Variants in POU2F1 observed in about 807,000 individuals in gnomAD.
POU2F1 encodes POU class 2 homeobox 1, also known as POU domain, class 2, transcription factor 1.
In POU2F1, 16 loss-of-function variants were observed where a neutral mutation model predicts 84.9. That is an observed-to-expected ratio of 0.19 (90% confidence interval 0.13 to 0.29). The LOEUF (loss-of-function observed/expected upper bound fraction) is 0.29. Among genes scored for constraint, POU2F1 ranks in the 10% least tolerant of loss-of-function variants. The pLI is 1.00. For missense variants in POU2F1, 738 were observed against 942.6 expected (o/e 0.78, Z 2.84); for synonymous variants, 368 against 368.3 (o/e 1.00, Z 0.01).
At position 167,413,385 on chromosome 1, in the gene POU2F1, T is replaced by C. The variant is rs537010126; in HGVS notation, c.1990+271T>C. ...GGTATATGGTAAAAAACCAGAACTTTCATGCTAATATTGATCTTATGTGAG... is the reference window on the plus strand; with the variant it reads ...GGTATATGGTAAAAAACCAGAACTTCCATGCTAATATTGATCTTATGTGAG... On this transcript the variant is annotated intron_variant, in intron 15 of 15. Coordinates refer to ENST00000367866, the MANE Select transcript of POU2F1 (RefSeq NM_002697.4). 1.4e-4 allele frequency among the ~76,000 whole-genome samples: 22 copies of C among 152,356 alleles called. No homozygotes were observed. In the South Asian group the frequency reaches 4.6e-3, roughly 32 times the overall value.
At chr1:167,329,441 G>A in intron 1 of POU2F1, 1 of 1,004,254 alleles carries the variant, frequency 1.0e-6, no homozygotes, top group Non-Finnish European at 1.4e-6. Context: ...AGCAGGGAAG[G>A]AGGAAAGCAT....
rs1659990962 is a variant in POU2F1, at chr1:167,371,393, C to G, written c.283-524C>G. ...AGTTTTAATTACCGTAAAATTTTCT[C>G]TTCGTGCCCCTCTCTCTTGACTGCA... On this transcript the variant is annotated intron_variant, in intron 4 of 15. Transcript: ENST00000367866. Among the ~76,000 whole-genome samples the G allele has an allele frequency of 1.3e-5, 2 of 152,148 alleles. 1 individual carries two copies. Among genetic ancestry groups the G allele is most frequent in the South Asian group, 4.1e-4 (2 of 4,824 alleles).
At position 167,367,336 on chromosome 1, in the gene POU2F1, C is replaced by T. The variant is rs116894269; in HGVS notation, c.228+1769C>T. Among the ~76,000 whole-genome samples, 133 of 152,124 alleles carry T rather than the reference C, an allele frequency of 8.7e-4. 2 individuals carry two copies. The East Asian group carries it at 0.018, about 20-fold the overall frequency. On this transcript the variant is annotated intron_variant, in intron 3 of 15. Transcript: ENST00000367866. ...ACTATAAGTTCCATGAAAATGGAAACCTTTTGTTGTTTACCTGTGTCCCAG... is the reference window on the plus strand; with the variant it reads ...ACTATAAGTTCCATGAAAATGGAAATCTTTTGTTGTTTACCTGTGTCCCAG...
intron 7 of POU2F1, among the ~76,000 whole-genome samples, chr1:167,382,929 G>A (rs549707905): frequency 9.2e-5 from 14 of 152,142 alleles, no homozygotes; most frequent in South Asian, 4.2e-4. Flanking sequence ...TAAGTGTTCT[G>A]GCTGTTGTCC....
At chr1:167,351,603 G>A (rs1342582258) in intron 2 of POU2F1, among the ~76,000 whole-genome samples, 4 of 150,320 alleles carry the variant, frequency 2.7e-5, no homozygotes, top group African/African-American at 9.8e-5. Flanking sequence ...ATGATTAAAC[G>A]TCCTAAGGAA....
intron 12 of POU2F1, among the ~76,000 whole-genome samples, chr1:167,400,316 G>C (rs1288512672): frequency 1.3e-5 from 2 of 152,056 alleles, no homozygotes; most frequent in Non-Finnish European, 2.9e-5. Flanking sequence ...ATTTTTTAAA[G>C]TGAACAATTT....
intron 1 of POU2F1, among the ~76,000 whole-genome samples, chr1:167,222,204 C>G (rs925866811): frequency 1.3e-5 from 2 of 152,196 alleles, no homozygotes; most frequent in Non-Finnish European, 2.9e-5. Flanking sequence ...GATTTCCTCT[C>G]TCCTGTTGGG....
chr1:167,364,579 TTC>T (rs1659555670), intron 2 of POU2F1, among the ~76,000 whole-genome samples: 1 of 147,304 alleles, frequency 6.8e-6, no homozygotes, highest in African/African-American at 2.6e-5. Flanking sequence ...CTTTCTTTCT[TTC>T]TTTTTTTTTT....
intron 1 of POU2F1, among the ~76,000 whole-genome samples, chr1:167,233,440 G>C (rs1336444172): frequency 2.0e-5 from 3 of 151,932 alleles, no homozygotes; most frequent in African/African-American, 7.3e-5. Context: ...GCCTGGCCTA[G>C]GTATTTTTAA....
chr1:167,416,100 A>AAAAAAAAAAC lies in POU2F1; in HGVS notation c.*296_*297insAAACAAAAAA. ...CTAACCAAAAATTAAAAAAAAAAAA[A>AAAAAAAAAAC]AAAAAAGAAACAAAAAAATCAAAAA... On this transcript the variant is annotated 3_prime_UTR_variant, in exon 16 of 16. Coordinates refer to ENST00000367866, the MANE Select transcript of POU2F1 (RefSeq NM_002697.4). 2 of 550,100 alleles carry AAAAAAAAAAC rather than the reference A, an allele frequency of 3.6e-6. No individual in the cohort carries two copies. The highest frequency in any genetic ancestry group is 1.8e-5 in the South Asian group (1 of 56,436). 34.1% of individuals were successfully genotyped at this position (550,100 alleles called of 1,614,324 possible).
intron 1 of POU2F1, among the ~76,000 whole-genome samples, chr1:167,237,255 T>C (rs1649534947): frequency 6.6e-6 from 1 of 152,196 alleles, no homozygotes; most frequent in African/African-American, 2.4e-5. Flanking sequence ...CTTATGCGTG[T>C]TGGGGAGTGT....
chr1:167,390,825 A>G (rs574916087), intron 9 of POU2F1, among the ~76,000 whole-genome samples: 5 of 152,270 alleles, frequency 3.3e-5, no homozygotes, highest in African/African-American at 1.2e-4. Flanking sequence ...AAAAATAAAA[A>G]TAACTTTTTG....
chr1:167,326,764 C>T (rs1266272858), intron 1 of POU2F1, among the ~76,000 whole-genome samples: 1 of 152,104 alleles, frequency 6.6e-6, no homozygotes, highest in African/African-American at 2.4e-5. Context: ...AGGTGCTGCT[C>T]CTGTTGGGTA....
chr1:167,370,014 G>A (rs1237838374), intron 3 of POU2F1, 147 bp from the exon 4 acceptor site: 14 of 555,656 alleles, frequency 2.5e-5, no homozygotes, highest in Non-Finnish European at 3.8e-5. Flanking sequence ...GACTGAGCTT[G>A]TTCATAAAGT....
chr1:167,350,278 A>C (rs1295736449), intron 2 of POU2F1, among the ~76,000 whole-genome samples: 3 of 152,192 alleles, frequency 2.0e-5, no homozygotes, highest in Non-Finnish European at 4.4e-5. Context: ...TTACATATTC[A>C]GGATTTTGGT....
chr1:167,371,840 C>A, intron 4 of POU2F1, 77 bp from the exon 5 acceptor site: 1 of 1,571,796 alleles, frequency 6.4e-7, no homozygotes, highest in Non-Finnish European at 8.8e-7. Flanking sequence ...TAAATGATTC[C>A]TAAAAGATGG....
intron 12 of POU2F1, among the ~76,000 whole-genome samples, chr1:167,401,144 C>G (rs1311761698): frequency 1.3e-5 from 2 of 152,226 alleles, no homozygotes; most frequent in Middle Eastern, 3.4e-3. Flanking sequence ...TACATGTACC[C>G]CAGATTCCCT....
At chr1:167,341,906 A>T (rs1230577557) in intron 2 of POU2F1, among the ~76,000 whole-genome samples, 1 of 152,060 alleles carries the variant, frequency 6.6e-6, no homozygotes, top group African/African-American at 2.4e-5. Flanking sequence ...TGGGAAGATG[A>T]TCTTCCCCTA....
chr1:167,297,973 A>T (rs1382982492), intron 1 of POU2F1, among the ~76,000 whole-genome samples: 2 of 151,994 alleles, frequency 1.3e-5, no homozygotes, highest in Admixed American at 1.3e-4. Context: ...AAAAAAATAC[A>T]AAATTAGCTG....
Sources: allele counts gnomAD v4.1 joint callset (sites outside exome capture counted in the v4.1 genomes callset), GRCh38; gene constraint gnomAD v4.1.1; transcripts MANE v1.5; gene names NCBI Gene and HGNC (gene_info 2026-07-23, HGNC 2026-07-21).